The following SENP1 variants were observed in gnomAD, a reference collection of about 807,000 sequenced individuals.
The protein encoded by SENP1 is sentrin-specific protease 1.
In SENP1, 21 loss-of-function variants were observed where a neutral mutation model predicts 93.0. The ratio of observed to expected loss-of-function variants is 0.23; its 90% CI spans 0.16 to 0.33. The LOEUF (loss-of-function observed/expected upper bound fraction) is 0.33, where lower values mean the gene tolerates loss of function less well. SENP1 is among the 10% of genes least tolerant of loss of function. The pLI is 1.00. For synonymous variants in SENP1, 256 were observed against 259.6 expected, an observed-to-expected ratio of 0.99 and a Z score of 0.13; for missense variants, 591 against 758.7, an observed-to-expected ratio of 0.78 and a Z score of 2.60.
At chr12:48,089,202 G>T in intron 4 of SENP1, 1 of 1,496,144 alleles carries the variant, frequency 6.7e-7, no homozygotes, top group Non-Finnish European at 9.0e-7. Context: ...CCACAGCCAT[G>T]TGCCTTATCT....
chr12:48,062,201 G>A (rs962519733), intron 13 of SENP1, among the ~76,000 whole-genome samples: 1 of 152,090 alleles, frequency 6.6e-6, no homozygotes, highest in African/African-American at 2.4e-5. Flanking sequence ...ACAAACTAAA[G>A]CCTACTATCC....
chr12:48,062,457 A>G (rs1156517291), intron 13 of SENP1, among the ~76,000 whole-genome samples: 1 of 152,212 alleles, frequency 6.6e-6, no homozygotes, highest in Non-Finnish European at 1.5e-5. Flanking sequence ...ATTCTTGGTC[A>G]CAGATATTAT....
At chr12:48,067,110 T>C (rs1943359631) in intron 9 of SENP1, 145 bp from the exon 10 acceptor site, 6 of 627,890 alleles carry the variant, frequency 9.6e-6, no homozygotes, top group Non-Finnish European at 1.7e-5. Flanking sequence ...CTAAATGACA[T>C]AAAATAATTG....
chr12:48,045,443 T>C (rs1941293720), intron 17 of SENP1, 59 bp from the exon 18 acceptor site: 1 of 1,399,702 alleles, frequency 7.1e-7, no homozygotes, highest in African/African-American at 1.4e-5. Context: ...CTGATACGCC[T>C]TTCCCCATAC....
chr12:48,068,932 C>A (rs1943476651), intron 9 of SENP1, among the ~76,000 whole-genome samples: 1 of 151,914 alleles, frequency 6.6e-6, no homozygotes, highest in African/African-American at 2.4e-5. Flanking sequence ...GTGGGTGGAA[C>A]ACCGGAGGTC....
chr12:48,071,164 G>A (rs1208768591), intron 9 of SENP1, among the ~76,000 whole-genome samples: 5 of 152,046 alleles, frequency 3.3e-5, no homozygotes, highest in South Asian at 2.1e-4. Context: ...GGTGGAAGAC[G>A]GAATGAAGAA....
At position 48,096,931 on chromosome 12, in the gene SENP1, C is replaced by A. The variant is rs552002987; in HGVS notation, c.136-504G>T. Among the ~76,000 whole-genome samples, 9 of 152,198 alleles carry A rather than the reference C, an allele frequency of 5.9e-5. No individual in the cohort carries two copies. The East Asian group carries it at 1.3e-3, about 23-fold the overall frequency. ...ACTAGCAATGGACAACATGGAGAGA[C>A]CCCGTCTCTAAATAAAGACTATAGC... is the stretch of plus-strand genomic sequence containing the variant. On this transcript the variant is annotated intron_variant, in intron 3 of 17. Transcript: ENST00000549518.
In SENP1 at chr12:48,047,026, C is replaced by G. The variant is rs754785571; in HGVS notation, c.1728G>C (p.Arg576Ser). 2 of 1,612,928 alleles carry G rather than the reference C, an allele frequency of 1.2e-6. No individual in the cohort carries two copies. The highest frequency in any genetic ancestry group is 1.7e-6 in the Non-Finnish European group (2 of 1,179,132). The change falls in exon 16 of 18, where the codon AGG (arginine) becomes AGC (serine). Residue 576 changes from arginine (R) to serine (S), a missense_variant. Arg to Ser is a moderately radical substitution (Grantham distance 110). Coordinates refer to ENST00000549518, the MANE Select transcript of SENP1 (RefSeq NM_001267594.2). ...GCCAGCCATTGGTGTCAAACTCTTT[C>G]CTTTTCTTGTCAATGCTTTCTTGCT... ...YLKQESIDKK[R>S]KEFDTNGWQL...
Position 48,074,374 on chromosome 12 carries a change from G to C in SENP1, c.890C>G (p.Ser297Cys), listed in dbSNP as rs776373493. Residue 297 changes from serine to cysteine, a missense_variant, in exon 8 of 18, where the codon TCT becomes TGT. By Grantham distance (112) the Ser-to-Cys change is moderately radical (BLOSUM62 -1). Transcript: ENST00000549518. Reference sequence around the variant, plus strand: ...TAAGTTATCTGGCTGATGTGGAACAGAGTGGTGATGATGGGGATGATGAAG... The same window carrying C: ...TAAGTTATCTGGCTGATGTGGAACACAGTGGTGATGATGGGGATGATGAAG... ...GTLHHPHHHHSVPHQPDNLAA... is the reference protein window; with the variant it reads ...GTLHHPHHHHCVPHQPDNLAA... 6.2e-7 allele frequency: 1 copy of C among 1,613,864 alleles called. No individual in the cohort carries two copies. The highest frequency in any genetic ancestry group is 1.1e-5 in the South Asian group (1 of 91,082).
chr12:48,059,606 T>C (rs1313051392), intron 13 of SENP1, among the ~76,000 whole-genome samples: 3 of 152,218 alleles, frequency 2.0e-5, no homozygotes, highest in Non-Finnish European at 2.9e-5. Context: ...TAAATTGTAC[T>C]TTCCCGCCTC....
chr12:48,072,272 T>G (rs77184700), intron 8 of SENP1, among the ~76,000 whole-genome samples: 1 of 152,194 alleles, frequency 6.6e-6, no homozygotes, highest in African/African-American at 2.4e-5. Flanking sequence ...CCACCTGTCA[T>G]TTAGTAGTCA....
rs1391838873 is a variant in SENP1 at position 48,043,295 on chromosome 12, CAA to C, written c.*2025_*2026del. 4 of 152,574 alleles carry C rather than the reference CAA, an allele frequency of 2.6e-5. No homozygotes were observed. Among genetic ancestry groups the C allele is most frequent in the Non-Finnish European group, 2.9e-5 (2 of 68,022 alleles). The allele number at this position is 152,574 out of a possible 1,614,324, so 9.5% of individuals were successfully genotyped here. On this transcript the variant is annotated 3_prime_UTR_variant, in exon 18 of 18. Transcript: ENST00000549518. ...TAAATATTTGTTGCTTTGGTCTGTACAAAGTCTGTGAGGAAGGTAAGACAGAT... is the reference window on the plus strand; with the variant it reads ...TAAATATTTGTTGCTTTGGTCTGTACAGTCTGTGAGGAAGGTAAGACAGAT...
chr12:48,048,965 C>T lies in SENP1; in HGVS notation c.1575G>A (p.Leu525=). The change falls in exon 14 of 18, where the codon TTG becomes TTA. Residue 525 remains leucine (L), a synonymous_variant. Coordinates refer to ENST00000549518, the MANE Select transcript of SENP1 (RefSeq NM_001267594.2). ...AGTGTACTCCCAGGTGAATGGGCAC[C>T]AAAAGAATGTCAACAGAAAATACAT... ...KVDVFSVDIL[L]VPIHLGVHWC... The T allele has an allele frequency of 6.2e-7, 1 of 1,613,636 alleles. No individual in the cohort carries two copies. The highest frequency in any genetic ancestry group is 8.5e-7 in the Non-Finnish European group (1 of 1,179,680).
intron 14 of SENP1, among the ~76,000 whole-genome samples, chr12:48,048,549 C>T (rs1165705784): frequency 2.0e-5 from 3 of 152,166 alleles, no homozygotes; most frequent in African/African-American, 7.2e-5. Flanking sequence ...TAAGCTAATG[C>T]TCACAGAGTC....
At chr12:48,046,696 A>G (rs1481575394) in intron 16 of SENP1, among the ~76,000 whole-genome samples, 1 of 152,094 alleles carries the variant, frequency 6.6e-6, no homozygotes, top group Non-Finnish European at 1.5e-5. Flanking sequence ...AGGGTATAAA[A>G]ACTGCTCCCT....
chr12:48,104,987 G>C (rs534553400), intron 1 of SENP1, among the ~76,000 whole-genome samples: 1 of 152,254 alleles, frequency 6.6e-6, no homozygotes, highest in East Asian at 1.9e-4. Flanking sequence ...TTAAAGTTGC[G>C]CTTTAACTGT....
chr12:48,065,843 T>C (rs1435605060), intron 10 of SENP1, among the ~76,000 whole-genome samples, 163 bp from the exon 11 acceptor site: 1 of 152,180 alleles, frequency 6.6e-6, no homozygotes, highest in Admixed American at 6.5e-5. Context: ...AACCACATAA[T>C]GTTACTGAAA....
chr12:48,084,756 G>A (rs7303677), intron 5 of SENP1, among the ~76,000 whole-genome samples: 28,532 of 151,990 alleles, frequency 0.19, 3,261 homozygotes, highest in African/African-American at 0.32. Flanking sequence ...CCAATTTTGA[G>A]TTTTTTCTAT....
intron 6 of SENP1, among the ~76,000 whole-genome samples, chr12:48,076,125 T>C (rs73301164): frequency 0.015 from 2,298 of 152,376 alleles, 78 homozygotes; most frequent in African/African-American, 0.052. Context: ...CTATGTTCAC[T>C]AGCACTTAGT....
Sources: allele counts gnomAD v4.1 joint callset (sites outside exome capture counted in the v4.1 genomes callset), GRCh38; gene constraint gnomAD v4.1.1; transcripts MANE v1.5; gene names NCBI Gene and HGNC (gene_info 2026-07-23, HGNC 2026-07-21).